RAPGEF2: variants seen among roughly 807,000 people sequenced by gnomAD.
RAPGEF2 encodes Rap guanine nucleotide exchange factor 2, also known as PDZ domain containing guanine nucleotide exchange factor (GEF) 1.
A neutral mutation model predicts 186.7 loss-of-function variants in RAPGEF2; 54 were observed. The ratio of observed to expected loss-of-function variants is 0.29; its 90% CI spans 0.23 to 0.36. RAPGEF2 has a LOEUF of 0.36. Ranked by LOEUF, RAPGEF2 falls within the 10% of genes least tolerant of loss-of-function variation. The pLI, the probability that RAPGEF2 is intolerant of heterozygous loss-of-function variation, is 1.00. For synonymous variants in RAPGEF2, 712 were observed against 705.9 expected, an observed-to-expected ratio of 1.01 and a Z score of -0.14; for missense variants, 1,532 against 2,045.0, an observed-to-expected ratio of 0.75 and a Z score of 4.84.
Position 159,358,672 on chromosome 4 carries a change from T to TTA in RAPGEF2, c.*533_*534insTA, listed in dbSNP as rs1392765750. 6.6e-6 allele frequency: 1 copy of TTA among 150,464 alleles called. No homozygotes were observed. Among genetic ancestry groups the TTA allele is most frequent in the Non-Finnish European group, 1.5e-5 (1 of 67,750 alleles). 9.3% of individuals were successfully genotyped at this position (150,464 alleles called of 1,614,324 possible). A position where few individuals can be genotyped will look rare whatever the true frequency, so the allele number is the denominator to read the frequency against. ...CCACTTGTTTACAATGTCCTCCTTT[T>TTA]AAAAAAAAAAAATGAGTTTAAAGAT... On this transcript the variant is annotated 3_prime_UTR_variant, in exon 30 of 30. Transcript: ENST00000691494.
At chr4:159,256,853 C>G (rs1756227822) in intron 7 of RAPGEF2, among the ~76,000 whole-genome samples, 1 of 152,066 alleles carries the variant, frequency 6.6e-6, no homozygotes, top group South Asian at 2.1e-4. Context: ...TGAGAAGTGT[C>G]TGTTCATGTC....
intron 13 of RAPGEF2, 91 bp downstream of exon 13, chr4:159,330,589 G>C: frequency 1.1e-6 from 1 of 882,812 alleles, no homozygotes; most frequent in Non-Finnish European, 1.7e-6. Context: ...ATTATGTCCA[G>C]ATTAATGTAA....
Position 159,104,248 on chromosome 4 carries a change from CG to C in RAPGEF2, c.69+18del. ...ACCCCCCAGGTGAGAACGCGGCGGC[CG>C]CCTGCCCTTGGCCGGATTTCTGCCT... On this transcript the variant is annotated intron_variant, in intron 1 of 29. Coordinates refer to ENST00000691494, the MANE Select transcript of RAPGEF2 (RefSeq NM_001394067.2). 8.6e-7 allele frequency: 1 copy of C among 1,165,484 alleles called. No individual in the cohort carries two copies. Among genetic ancestry groups the C allele is most frequent in the Non-Finnish European group, 1.1e-6 (1 of 921,054 alleles). The allele number at this position is 1,165,484 out of a possible 1,614,324, so 72.2% of individuals were successfully genotyped here. A position where few individuals can be genotyped will look rare whatever the true frequency, so the allele number is the denominator to read the frequency against.
At chr4:159,207,412 CT>C (rs1750101411) in intron 3 of RAPGEF2, among the ~76,000 whole-genome samples, 1 of 152,136 alleles carries the variant, frequency 6.6e-6, no homozygotes, top group African/African-American at 2.4e-5. Flanking sequence ...AAGCCTTGTG[CT>C]TAATTTGTCG....
rs370477370 is a variant in RAPGEF2, at chr4:159,240,331, C to CTTTTTTTTTTT, written c.358-861_358-851dup. On this transcript the variant is annotated intron_variant, in intron 5 of 29. Transcript: ENST00000691494. The stretch of plus-strand genomic sequence containing the variant: ...CCCTGTTCATTCATCAGCATTTCTA[C>CTTTTTTTTTTT]TTTTTTTTTTTTTTTTTTTGGAGAC... Among the ~76,000 whole-genome samples the CTTTTTTTTTTT allele has an allele frequency of 4.6e-3, 355 of 77,574 alleles. 38 individuals carry two copies. Among genetic ancestry groups the CTTTTTTTTTTT allele is most frequent in the African/African-American group, 0.018 (335 of 18,600 alleles). 50.9% of individuals were successfully genotyped at this position (77,574 alleles called of 152,430 possible). A position where few individuals can be genotyped will look rare whatever the true frequency, so the allele number is the denominator to read the frequency against.
chr4:159,262,797 A>T (rs1757021123), intron 7 of RAPGEF2, among the ~76,000 whole-genome samples: 1 of 151,654 alleles, frequency 6.6e-6, no homozygotes, highest in African/African-American at 2.4e-5. Flanking sequence ...TACAAATCAG[A>T]TGCCACATAA....
Position 159,346,902 on chromosome 4 carries a change from C to T in RAPGEF2, c.3616C>T (p.Pro1206Ser), listed in dbSNP as rs757114216. The T allele has an allele frequency of 2.5e-6, 4 of 1,614,076 alleles. No homozygotes were observed. The Admixed American group carries it at 6.7e-5, about 27-fold the overall frequency. The change falls in exon 25 of 30, where the codon CCA becomes TCA. Residue 1206 changes from proline (P) to serine (S), a missense_variant. Physicochemically the swap from Pro to Ser is moderately conservative, Grantham distance 74 (BLOSUM62 -1). Transcript: ENST00000691494. ...CCTGCCACAGCCCCAGCAGCAGCCA[C>T]CACCAGCACATAAAATCAACCAGGG... ...QSLPQPQQQP[P>S]PAHKINQGLQ... is the part of the protein sequence containing the mutation.
chr4:159,201,359 T>C (rs1197204253), intron 3 of RAPGEF2, among the ~76,000 whole-genome samples: 2 of 152,218 alleles, frequency 1.3e-5, no homozygotes, highest in Non-Finnish European at 2.9e-5. Flanking sequence ...TTTGAAGCCG[T>C]GGAACACTTT....
At chr4:159,311,561 G>A (rs901879749) in intron 8 of RAPGEF2, among the ~76,000 whole-genome samples, 3 of 152,156 alleles carry the variant, frequency 2.0e-5, no homozygotes, top group African/African-American at 4.8e-5. Context: ...GTAAGAAGTT[G>A]TATCTACAGT....
At chr4:159,346,444 G>A (rs925882852) in intron 24 of RAPGEF2, among the ~76,000 whole-genome samples, 1 of 152,138 alleles carries the variant, frequency 6.6e-6, no homozygotes, top group Non-Finnish European at 1.5e-5. Flanking sequence ...TGACTTTTCT[G>A]TTGTAGCTTT....
At chr4:159,154,187 C>G (rs1017510621) in intron 1 of RAPGEF2, among the ~76,000 whole-genome samples, 1 of 152,094 alleles carries the variant, frequency 6.6e-6, no homozygotes, top group African/African-American at 2.4e-5. Flanking sequence ...ACATTATCAC[C>G]TAGCAGTCCA....
intron 3 of RAPGEF2, among the ~76,000 whole-genome samples, chr4:159,209,857 A>G (rs918040552): frequency 2.0e-5 from 3 of 152,208 alleles, no homozygotes; most frequent in Non-Finnish European, 4.4e-5. Context: ...AAACAATGGG[A>G]AATGACTATC....
intron 1 of RAPGEF2, among the ~76,000 whole-genome samples, chr4:159,152,785 T>C (rs1352678345): frequency 6.6e-6 from 1 of 151,826 alleles, no homozygotes; most frequent in African/African-American, 2.4e-5. Context: ...GCCTGGCTAA[T>C]TTTTTTTGTA....
chr4:159,335,735 C>G (rs1490830129), intron 17 of RAPGEF2, among the ~76,000 whole-genome samples: 1 of 149,544 alleles, frequency 6.7e-6, no homozygotes, highest in Non-Finnish European at 1.5e-5. Flanking sequence ...CTCGGAGAGG[C>G]TGAGGCAGGA....
chr4:159,198,761 C>T (rs1345144200), intron 3 of RAPGEF2, among the ~76,000 whole-genome samples: 1 of 151,916 alleles, frequency 6.6e-6, no homozygotes, highest in Admixed American at 6.6e-5. Context: ...TGTTTTTACC[C>T]AGCAAGATGT....
At chr4:159,321,994 G>C (rs1765291582) in intron 9 of RAPGEF2, among the ~76,000 whole-genome samples, 1 of 152,162 alleles carries the variant, frequency 6.6e-6, no homozygotes, top group Non-Finnish European at 1.5e-5. Flanking sequence ...TGACTTGTTG[G>C]AGAATTCTCA....
intron 1 of RAPGEF2, among the ~76,000 whole-genome samples, chr4:159,140,949 G>A (rs1295763528): frequency 1.3e-5 from 2 of 151,460 alleles, no homozygotes; most frequent in South Asian, 2.1e-4. Context: ...CTCCTGCCTC[G>A]GCCTTCTGAA....
rs372056981 is a variant in RAPGEF2, at chr4:159,353,664, G to A, written c.4269G>A (p.Thr1423=). 6 of 1,586,258 alleles carry A rather than the reference G, an allele frequency of 3.8e-6. No individual in the cohort carries two copies. The highest frequency in any genetic ancestry group is 2.7e-5 in the African/African-American group (2 of 73,676). Residue 1423 remains threonine (T), a synonymous_variant, in exon 28 of 30, where the codon ACG becomes ACA. Transcript: ENST00000691494. This position sits in a 1 kb window ranked among gnomAD's most constrained non-coding sequence, Gnocchi z 4.3. ...GTGGCTCCCATGATAATATACAGACGATCCAGCACCAGAGAAGCTGGGAGA... is the reference window on the plus strand; with the variant it reads ...GTGGCTCCCATGATAATATACAGACAATCCAGCACCAGAGAAGCTGGGAGA... ...CSSGSHDNIQ[T]IQHQRSWETL...
chr4:159,327,291 A>G (rs1766053976), intron 11 of RAPGEF2: 1 of 152,162 alleles, frequency 6.6e-6, no homozygotes, highest in Admixed American at 6.5e-5. Flanking sequence ...GGGTACTGAG[A>G]TCATATAGTA....
Sources: allele counts gnomAD v4.1 joint callset (sites outside exome capture counted in the v4.1 genomes callset), GRCh38; gene constraint gnomAD v4.1.1; non-coding constraint Gnocchi (gnomAD v3.1); transcripts MANE v1.5; gene names NCBI Gene and HGNC (gene_info 2026-07-23, HGNC 2026-07-21).